The following XDH variants were observed in gnomAD, a reference collection of about 807,000 sequenced individuals.
XDH encodes xanthine dehydrogenase.
Under a neutral mutation model 156.1 loss-of-function variants are expected in XDH, and 138 were observed. That is an observed-to-expected ratio of 0.88 (90% CI 0.77 to 1.02). XDH has a LOEUF of 1.02. Ranked by LOEUF, XDH falls within the 50% of genes least tolerant of loss-of-function variation. The pLI, the probability that XDH is intolerant of heterozygous loss-of-function variation, is 0.00. For missense variants in XDH, 1,849 were observed against 1,684.9 expected (o/e 1.10, Z -1.71); for synonymous variants, 669 against 625.7 (o/e 1.07, Z -1.03).
At chr2:31,346,930 C>A in intron 29 of XDH, 87 bp from the exon 30 acceptor site, 18 of 1,557,632 alleles carry the variant, frequency 1.2e-5, no homozygotes, top group Non-Finnish European at 1.6e-5. Flanking sequence ...AGCAAGGCTA[C>A]CTCCAAGCAA....
Position 31,381,577 on chromosome 2 carries a change from G to T in XDH, c.1132+56C>A, listed in dbSNP as rs572916160. The T allele has an allele frequency of 1.7e-4, 262 of 1,564,980 alleles. 1 individual carries two copies. In the South Asian group the frequency reaches 2.7e-3, roughly 16 times the overall value. On this transcript the variant is annotated intron_variant, in intron 12 of 35. Coordinates refer to ENST00000379416, the MANE Select transcript of XDH (RefSeq NM_000379.4). ...GTTTCTCCAGAAAATGACCTATCTG[G>T]TGAGACTTTTCTCCCCCAAGTCCTT...
chr2:31,339,605 G>A lies in XDH; in HGVS notation c.3658C>T (p.Leu1220=), dbSNP rs1685069156. 1 of 1,614,076 alleles carries A rather than the reference G, an allele frequency of 6.2e-7. No individual in the cohort carries two copies. Among genetic ancestry groups the A allele is most frequent in the South Asian group, 1.1e-5 (1 of 91,088 alleles). Residue 1220 remains leucine, a synonymous_variant, in exon 34 of 36, where the codon CTG becomes TTG. Coordinates refer to ENST00000379416, the MANE Select transcript of XDH (RefSeq NM_000379.4). The stretch of plus-strand genomic sequence containing the variant: ...TAGGTGCTAGGGCCACGGGTGTGCA[G>A]GCTCCCCTCGGGGGAATAGTGTAGC... The part of the protein sequence containing the change: ...EELHYSPEGS[L]HTRGPSTYKI...
At chr2:31,354,446 G>T (rs1685573029) in intron 24 of XDH, among the ~76,000 whole-genome samples, 1 of 152,130 alleles carries the variant, frequency 6.6e-6, no homozygotes, top group Non-Finnish European at 1.5e-5. Context: ...CCATCACTGA[G>T]GTGACAAAGA....
chr2:31,390,883 C>A (rs920570716), intron 6 of XDH, among the ~76,000 whole-genome samples: 2 of 152,130 alleles, frequency 1.3e-5, no homozygotes, highest in African/African-American at 4.8e-5. Context: ...TTTATAAGTT[C>A]TTTGTATATT....
intron 6 of XDH, among the ~76,000 whole-genome samples, chr2:31,394,645 C>T (rs576466052): frequency 3.3e-5 from 5 of 152,156 alleles, no homozygotes; most frequent in African/African-American, 1.2e-4. Flanking sequence ...TCTTTTTCTT[C>T]TTTTACTGCT....
chr2:31,397,773 G>A, intron 5 of XDH, 44 bp from the exon 6 acceptor site: 1 of 1,610,676 alleles, frequency 6.2e-7, no homozygotes. Flanking sequence ...CAGGGCCCTG[G>A]GATGGGTGAG....
In XDH at chr2:31,335,883, T is replaced by C; in HGVS notation, c.*75A>G. ...TCATTCTGTGACTTTAATAGATCCATGTTCTGTGGTATGTTCCTCCTGCTC... is the reference window on the plus strand; with the variant it reads ...TCATTCTGTGACTTTAATAGATCCACGTTCTGTGGTATGTTCCTCCTGCTC... On this transcript the variant is annotated 3_prime_UTR_variant, in exon 36 of 36. Coordinates refer to ENST00000379416, the MANE Select transcript of XDH (RefSeq NM_000379.4). 2.6e-6 allele frequency: 4 copies of C among 1,511,182 alleles called. No homozygotes were observed. Among genetic ancestry groups the C allele is most frequent in the Admixed American group, 1.7e-5 (1 of 59,870 alleles). The allele number at this position is 1,511,182 out of a possible 1,614,324, so 93.6% of individuals were successfully genotyped here. A position where few individuals can be genotyped will look rare whatever the true frequency, so the allele number is the denominator to read the frequency against.
intron 24 of XDH, among the ~76,000 whole-genome samples, chr2:31,359,389 G>C (rs1181601326): frequency 6.7e-6 from 1 of 150,060 alleles, no homozygotes; most frequent in African/African-American, 2.5e-5. Flanking sequence ...AAAAAAACAA[G>C]GCATTTACTC....
In XDH at chr2:31,381,691, G is replaced by A. The variant is rs1686440115; in HGVS notation, c.1074C>T (p.Ile358=). Residue 358 remains isoleucine (I), a synonymous_variant, in exon 12 of 36, where the codon ATC becomes ATT. Transcript: ENST00000379416. Reference sequence around the variant, plus strand: ...CCATGAACACGGGGTTGAGGTCGGAGATGGGGCTGGCAGTGATGATGTTCC... The same window carrying A: ...CCATGAACACGGGGTTGAGGTCGGAAATGGGGCTGGCAGTGATGATGTTCC... ...VGGNIITASP[I]SDLNPVFMAS... 3 of 1,614,056 alleles carry A rather than the reference G, an allele frequency of 1.9e-6. No individual in the cohort carries two copies. Among genetic ancestry groups the A allele is most frequent in the African/African-American group, 1.3e-5 (1 of 75,038 alleles).
chr2:31,389,040 C>T (rs1350179467), intron 6 of XDH, among the ~76,000 whole-genome samples: 2 of 152,172 alleles, frequency 1.3e-5, no homozygotes, highest in Admixed American at 6.5e-5. Flanking sequence ...GCTGACTGAT[C>T]TGCAGCTCAG....
rs1366811 is a variant in XDH at position 31,347,203 on chromosome 2, A to G, written c.3276+319T>C. ...TGTGGCCAACCTGCCTCTATAATCA[A>G]ATTTCAGCTTCAGCCCATTGTCCTA... On this transcript the variant is annotated intron_variant, in intron 29 of 35. Transcript: ENST00000379416. Among the ~76,000 whole-genome samples, 115,244 of 152,152 alleles carry G rather than the reference A, an allele frequency of 0.76. 43,751 individuals are homozygous for G. The highest frequency in any genetic ancestry group is 0.84 in the East Asian group (4,364 of 5,166).
chr2:31,407,767 A>G (rs976787064), intron 1 of XDH, among the ~76,000 whole-genome samples: 1 of 152,224 alleles, frequency 6.6e-6, no homozygotes. Flanking sequence ...TTTATTGACT[A>G]AGAGTAATAA....
chr2:31,393,841 T>C (rs909975312), intron 6 of XDH, among the ~76,000 whole-genome samples: 3 of 150,874 alleles, frequency 2.0e-5, no homozygotes, highest in African/African-American at 4.9e-5. Flanking sequence ...GTTTGCAGTA[T>C]ACATTTTTAA....
Position 31,397,726 on chromosome 2 carries a change from T to C in XDH, c.437A>G (p.Asn146Ser). The C allele has an allele frequency of 6.2e-7, 1 of 1,614,168 alleles. No individual in the cohort carries two copies. Among genetic ancestry groups the C allele is most frequent in the Non-Finnish European group, 8.5e-7 (1 of 1,180,020 alleles). The change falls in exon 6 of 36, where the codon AAT becomes AGT. Residue 146 changes from asparagine to serine, a missense_variant. Coordinates refer to ENST00000379416, the MANE Select transcript of XDH (RefSeq NM_000379.4). ...MEEIENAFQG[N>S]LCRCTGYRPI... ...TCTGTAGCCTGTGCAGCGGCACAGA[T>C]TTCCTGTGGGCCAAGGAAAAAACTG... is the stretch of plus-strand genomic sequence containing the variant.
At chr2:31,372,070 T>C (rs1410990432) in intron 17 of XDH, among the ~76,000 whole-genome samples, 158 bp downstream of exon 17, 1 of 152,254 alleles carries the variant, frequency 6.6e-6, no homozygotes, top group Non-Finnish European at 1.5e-5. Flanking sequence ...TAATAGGACC[T>C]GCCTATAAGG....
At chr2:31,359,499 C>A (rs1398227355) in intron 24 of XDH, among the ~76,000 whole-genome samples, 3 of 152,036 alleles carry the variant, frequency 2.0e-5, no homozygotes, top group African/African-American at 7.2e-5. Context: ...TTTTTTCCAA[C>A]TGTGATTTAG....
chr2:31,406,057 T>G, intron 1 of XDH, 93 bp from the exon 2 acceptor site: 1 of 1,393,030 alleles, frequency 7.2e-7, no homozygotes, highest in South Asian at 1.2e-5. Context: ...CTCAATAATT[T>G]GTAGAGTTAG....
intron 10 of XDH, 68 bp from the exon 11 acceptor site, chr2:31,383,220 C>A (rs1419255748): frequency 6.2e-7 from 1 of 1,610,496 alleles, no homozygotes; most frequent in Non-Finnish European, 8.5e-7. Flanking sequence ...ATGCACAGCT[C>A]CTCTGAAGCT....
intron 5 of XDH, 74 bp downstream of exon 5, chr2:31,398,499 C>G (rs1348364920): frequency 1.2e-6 from 2 of 1,608,540 alleles, no homozygotes; most frequent in South Asian, 1.1e-5. Flanking sequence ...TGCTTCTCAC[C>G]CTGGCACTTG....
Sources: allele counts gnomAD v4.1 joint callset (sites outside exome capture counted in the v4.1 genomes callset), GRCh38; gene constraint gnomAD v4.1.1; transcripts MANE v1.5; gene names NCBI Gene and HGNC (gene_info 2026-07-23, HGNC 2026-07-21).